MFGE8: variants seen among roughly 807,000 people sequenced by gnomAD.
The protein encoded by MFGE8 is lactadherin.
In MFGE8, 34 loss-of-function variants were observed where a neutral mutation model predicts 42.6. The ratio of observed to expected loss-of-function variants is 0.80; its 90% CI spans 0.61 to 1.06. The LOEUF is 1.06. Ranked by LOEUF, MFGE8 falls within the 50% of genes least tolerant of loss-of-function variation. The pLI, the probability that MFGE8 is intolerant of heterozygous loss-of-function variation, is 0.00. For synonymous variants in MFGE8, 230 were observed against 214.8 expected, an observed-to-expected ratio of 1.07 and a Z score of -0.62; for missense variants, 510 against 516.9, an observed-to-expected ratio of 0.99 and a Z score of 0.13.
In MFGE8 at chr15:88,912,054, C is replaced by T; in HGVS notation, c.73+1193G>A. The T allele has an allele frequency of 4.1e-6, 5 of 1,225,362 alleles. No homozygotes were observed. In the South Asian group the frequency reaches 6.3e-5, roughly 15 times the overall value. 75.9% of individuals were successfully genotyped at this position (1,225,362 alleles called of 1,614,324 possible). ...CAACTGCACCGGCCCTCTCCCTACA[C>T]TGCTCCAGGGCAAAACGGTCCAGTG... On this transcript the variant is annotated intron_variant, in intron 1 of 7. Transcript: ENST00000268150.
intron 2 of MFGE8, 41 bp downstream of exon 2, chr15:88,909,751 C>A: frequency 1.2e-6 from 2 of 1,612,794 alleles, no homozygotes; most frequent in South Asian, 2.2e-5. Context: ...GGCTCAGGGT[C>A]TACTGCTAGA....
chr15:88,899,886 G>T lies in MFGE8; in HGVS notation c.871-75C>A. ...GGTGAAAAGAGGCAGACACACTGAG[G>T]CATGAATTCTAGTTTTGAAAAAAAC... On this transcript the variant is annotated intron_variant, in intron 6 of 7. Transcript: ENST00000268150. The surrounding 1 kb of genome is among the most constrained non-coding windows in gnomAD (Gnocchi z 6.8). The T allele has an allele frequency of 2.6e-6, 4 of 1,568,148 alleles. No homozygotes were observed. Among genetic ancestry groups the T allele is most frequent in the East Asian group, 2.3e-5 (1 of 44,168 alleles).
chr15:88,909,552 C>A (rs1181981353), intron 2 of MFGE8, among the ~76,000 whole-genome samples: 1 of 152,224 alleles, frequency 6.6e-6, no homozygotes, highest in Non-Finnish European at 1.5e-5. Context: ...TCAGGCCTGG[C>A]CGGCAGTCTC....
intron 6 of MFGE8, among the ~76,000 whole-genome samples, 166 bp downstream of exon 6, chr15:88,901,381 AGAAG>A (rs1898420894): frequency 6.6e-6 from 1 of 152,218 alleles, no homozygotes; most frequent in Admixed American, 6.6e-5. Context: ...CAGGATCAAG[AGAAG>A]GGAGTACAGG....
chr15:88,901,180 C>T (rs1158684579), intron 6 of MFGE8, among the ~76,000 whole-genome samples: 1 of 128,132 alleles, frequency 7.8e-6, no homozygotes, highest in East Asian at 2.0e-4. Context: ...CATTCTCACA[C>T]ATTCACACAC....
chr15:88,909,693 C>T, intron 2 of MFGE8, 99 bp downstream of exon 2: 1 of 1,580,056 alleles, frequency 6.3e-7, no homozygotes, highest in South Asian at 1.1e-5. Flanking sequence ...GGGTGGGGAT[C>T]ACAGGCAGAG....
chr15:88,911,941 A>G (rs1898979030), intron 1 of MFGE8, among the ~76,000 whole-genome samples: 1 of 152,114 alleles, frequency 6.6e-6, no homozygotes, highest in African/African-American at 2.4e-5. Flanking sequence ...TTGGCTTTAA[A>G]TAGCAGGTAA....
At chr15:88,907,045 C>G (rs1898714944) in intron 3 of MFGE8, 150 bp downstream of exon 3, 1 of 1,064,736 alleles carries the variant, frequency 9.4e-7, no homozygotes, top group South Asian at 1.5e-5. Context: ...TCCAGGGATG[C>G]CATCCACTTA....
intron 2 of MFGE8, among the ~76,000 whole-genome samples, chr15:88,907,911 C>T (rs983499154): frequency 4.6e-5 from 7 of 152,114 alleles, no homozygotes; most frequent in Non-Finnish European, 7.4e-5. Context: ...AGGGCTACCT[C>T]GGATAGCAGT....
rs1898612445 is a variant in MFGE8 at position 88,905,221 on chromosome 15, G to A, written c.685+536C>T. On this transcript the variant is annotated intron_variant, in intron 5 of 7. Transcript: ENST00000268150. The surrounding 1 kb of genome is among the most constrained non-coding windows in gnomAD (Gnocchi z 6.6). ...AGTTTGGCAGGGAAAGCTCTGGATGGGTGTGGTCGGGAGCCCAGAGATCTA... is the reference window on the plus strand; with the variant it reads ...AGTTTGGCAGGGAAAGCTCTGGATGAGTGTGGTCGGGAGCCCAGAGATCTA... Among the ~76,000 whole-genome samples the A allele has an allele frequency of 6.6e-6, 1 of 152,152 alleles. No individual in the cohort carries two copies. The highest frequency in any genetic ancestry group is 2.4e-5 in the African/African-American group (1 of 41,436).
At position 88,906,672 on chromosome 15, in the gene MFGE8, T is replaced by C. The variant is rs952145645; in HGVS notation, c.494A>G (p.Asn165Ser). 6.2e-7 allele frequency: 1 copy of C among 1,613,916 alleles called. No individual in the cohort carries two copies. The highest frequency in any genetic ancestry group is 1.3e-5 in the African/African-American group (1 of 74,888). Reference protein sequence around the residue: ...LKAFKVAYSLNGHEFDFIHDV... With the variant: ...LKAFKVAYSLSGHEFDFIHDV... ...ATGGATGAAATCGAATTCGTGTCCA[T>C]TAAGGCTGTAGGCCACCTTGAAGGC... The change falls in exon 4 of 8, where the codon AAT (asparagine) becomes AGT (serine). Residue 165 changes from asparagine (N) to serine (S), a missense_variant. Physicochemically the swap from Asn to Ser is conservative, Grantham distance 46. Coordinates refer to ENST00000268150, the MANE Select transcript of MFGE8 (RefSeq NM_005928.4). The surrounding 1 kb of genome is among the most constrained non-coding windows in gnomAD (Gnocchi z 4.2).
intron 1 of MFGE8, chr15:88,913,046 A>G: frequency 3.0e-6 from 3 of 985,300 alleles, no homozygotes; most frequent in Non-Finnish European, 3.6e-6. Flanking sequence ...TCCCAGCCCA[A>G]AAGCCCCAGC....
intron 5 of MFGE8, chr15:88,904,496 T>C (rs1393409782): frequency 6.6e-6 from 1 of 152,246 alleles, no homozygotes; most frequent in African/African-American, 2.4e-5. Flanking sequence ...CTCTTGGCCC[T>C]GAGCAGGGGC....
chr15:88,899,381 G>C lies in MFGE8; in HGVS notation c.*14C>G, dbSNP rs747832822. ...CCATGGAAAGCAGGAAGACCTGGGG[G>C]TGGCAGGTGGCCACTAACAGCCCAG... is the stretch of plus-strand genomic sequence containing the variant. On this transcript the variant is annotated 3_prime_UTR_variant, in exon 8 of 8. Coordinates refer to ENST00000268150, the MANE Select transcript of MFGE8 (RefSeq NM_005928.4). The surrounding 1 kb of genome is among the most constrained non-coding windows in gnomAD (Gnocchi z 6.8). 1.2e-6 allele frequency: 2 copies of C among 1,613,904 alleles called. No homozygotes were observed. The highest frequency in any genetic ancestry group is 2.7e-5 in the African/African-American group (2 of 75,064).
At chr15:88,907,456 A>G in intron 2 of MFGE8, 80 bp from the exon 3 acceptor site, 1 of 1,306,098 alleles carries the variant, frequency 7.7e-7, no homozygotes, top group Non-Finnish European at 1.1e-6. Context: ...ACAAGAAAAT[A>G]AGACTGTATG....
chr15:88,911,679 A>G lies in MFGE8; in HGVS notation c.73+1568T>C, dbSNP rs149641071. 5.1e-4 allele frequency among the ~76,000 whole-genome samples: 78 copies of G among 152,176 alleles called. 2 individuals are homozygous for G. In the East Asian group the frequency reaches 0.013, roughly 25 times the overall value. ...CGGGCGAAGCTTGTAGTGAGCCAAG[A>G]CCGCGCCACTGCACTCCAGCCTGGG... On this transcript the variant is annotated intron_variant, in intron 1 of 7. Coordinates refer to ENST00000268150, the MANE Select transcript of MFGE8 (RefSeq NM_005928.4).
intron 6 of MFGE8, among the ~76,000 whole-genome samples, chr15:88,901,324 CACACACACACAT>C (rs1189591112): frequency 1.3e-5 from 2 of 151,200 alleles, no homozygotes; most frequent in Admixed American, 6.6e-5. Flanking sequence ...CACATTCACA[CACACACACACAT>C]ACACACACAC....
chr15:88,899,902 T>C lies in MFGE8; in HGVS notation c.871-91A>G, dbSNP rs1898280428. The C allele has an allele frequency of 2.0e-6, 3 of 1,476,884 alleles. No homozygotes were observed. Among genetic ancestry groups the C allele is most frequent in the South Asian group, 2.4e-5 (2 of 85,088 alleles). The allele number at this position is 1,476,884 out of a possible 1,614,324, so 91.5% of individuals were successfully genotyped here. A position where few individuals can be genotyped will look rare whatever the true frequency, so the allele number is the denominator to read the frequency against. On this transcript the variant is annotated intron_variant, in intron 6 of 7. Transcript: ENST00000268150. The surrounding 1 kb of genome is among the most constrained non-coding windows in gnomAD (Gnocchi z 6.8). ...CACACTGAGGCATGAATTCTAGTTT[T>C]GAAAAAAACTACTTGGGTGAGCCTC...
At position 88,899,615 on chromosome 15, in the gene MFGE8, T is replaced by C. The variant is rs1174953207; in HGVS notation, c.1026+41A>G. The C allele has an allele frequency of 1.2e-6, 2 of 1,613,944 alleles. No individual in the cohort carries two copies. Among genetic ancestry groups the C allele is most frequent in the East Asian group, 4.5e-5 (2 of 44,888 alleles). On this transcript the variant is annotated intron_variant, in intron 7 of 7. Coordinates refer to ENST00000268150, the MANE Select transcript of MFGE8 (RefSeq NM_005928.4). The surrounding 1 kb of genome is among the most constrained non-coding windows in gnomAD (Gnocchi z 6.8). Reference sequence around the variant, plus strand: ...CCAGGCCAGACTCCCAGGGAAGTAATGAAGGAATGGCAAAGGGTGGGCAGC... The same window carrying C: ...CCAGGCCAGACTCCCAGGGAAGTAACGAAGGAATGGCAAAGGGTGGGCAGC...
Sources: gnomAD v4.1 joint callset for allele counts (sites outside exome capture counted in the v4.1 genomes callset) on GRCh38, gnomAD v4.1.1 for gene constraint, Gnocchi (gnomAD v3.1) non-coding constraint, MANE v1.5 for transcripts, NCBI Gene and HGNC (gene_info 2026-07-23, HGNC 2026-07-21) for gene names.